Variants in PACS2 observed in about 807,000 individuals in gnomAD.
PACS2 encodes the protein PACS1-like protein.
A neutral mutation model predicts 113.0 loss-of-function variants in PACS2; 36 were observed. That is an observed-to-expected ratio of 0.32 (90% CI 0.24 to 0.42). The LOEUF (loss-of-function observed/expected upper bound fraction) is 0.42, where lower values mean the gene tolerates loss of function less well. Ranked by LOEUF, PACS2 falls within the 10% of genes least tolerant of loss-of-function variation. The probability of loss-of-function intolerance (pLI) is 1.00; values close to 1 mark genes in which losing one functional copy is unlikely to be tolerated. For synonymous variants in PACS2, 589 were observed against 536.1 expected (o/e 1.10, Z -1.36); for missense variants, 1,015 against 1,239.5 (o/e 0.82, Z 2.72).
At chr14:105,380,487 G>A (rs1373901879) in intron 11 of PACS2, among the ~76,000 whole-genome samples, 1 of 147,888 alleles carries the variant, frequency 6.8e-6, no homozygotes, top group Non-Finnish European at 1.5e-5. Flanking sequence ...CAGGGTCAGG[G>A]CAGCTGGACT....
chr14:105,368,365 C>A, intron 6 of PACS2, 94 bp from the exon 7 acceptor site: 1 of 997,680 alleles, frequency 1.0e-6, no homozygotes, highest in Non-Finnish European at 1.6e-6. Flanking sequence ...GCTCTCAGTG[C>A]CGGGCCTCTC....
chr14:105,368,494 G>A lies in PACS2; in HGVS notation c.696G>A (p.Pro232=), dbSNP rs782594693. The A allele has an allele frequency of 2.2e-5, 36 of 1,613,966 alleles. No individual in the cohort carries two copies. Among genetic ancestry groups the A allele is most frequent in the South Asian group, 1.3e-4 (12 of 91,090 alleles). The part of the protein sequence containing the change: ...LDEDDFDVGK[P]KKQRRSIVRT... ...AGGACGACTTTGACGTGGGGAAGCC[G>A]AAGAAGCAGCGGAGATCGATTGTAA... is the stretch of plus-strand genomic sequence containing the variant. Residue 232 remains proline (P), a synonymous_variant, in exon 7 of 25, where the codon CCG becomes CCA. Transcript: ENST00000447393.
At chr14:105,379,695 G>T in intron 9 of PACS2, 44 bp from the exon 10 acceptor site, 1 of 1,506,168 alleles carries the variant, frequency 6.6e-7, no homozygotes, top group Non-Finnish European at 9.2e-7. Flanking sequence ...TGCAAGAAGG[G>T]TCCTGGAAAT....
intron 11 of PACS2, among the ~76,000 whole-genome samples, chr14:105,380,409 C>T (rs587712217): frequency 6.6e-6 from 1 of 151,558 alleles, no homozygotes; most frequent in South Asian, 2.1e-4. Context: ...CTCCCCCCAC[C>T]CGCAGGGTCC....
At chr14:105,363,138 G>C (rs1374704172) in intron 4 of PACS2, among the ~76,000 whole-genome samples, 1 of 152,172 alleles carries the variant, frequency 6.6e-6, no homozygotes, top group Non-Finnish European at 1.5e-5. Context: ...AGTCGACTTT[G>C]CATAATTCTT....
intron 4 of PACS2, among the ~76,000 whole-genome samples, chr14:105,361,507 GAC>G (rs2060676843): frequency 6.6e-6 from 1 of 152,044 alleles, no homozygotes; most frequent in South Asian, 2.1e-4. Flanking sequence ...TGTGGTAGAG[GAC>G]ACCTGTAATT....
chr14:105,304,254 G>C (rs1411756245), intron 1 of PACS2, among the ~76,000 whole-genome samples: 1 of 152,198 alleles, frequency 6.6e-6, no homozygotes, highest in Non-Finnish European at 1.5e-5. Context: ...CACTTTGGGA[G>C]GCTGAGGAGG....
In PACS2 at chr14:105,348,944, G is replaced by A. The variant is rs141393392; in HGVS notation, c.207+364G>A. On this transcript the variant is annotated intron_variant, in intron 2 of 24. Transcript: ENST00000447393. This position sits in a 1 kb window ranked among gnomAD's most constrained non-coding sequence, Gnocchi z 6.4. ...CACTTTTTGTGGGGTGGAGGGCGTC[G>A]GTGGGAGAGGGGAGCAGGGCACTCT... 4.3e-3 allele frequency among the ~76,000 whole-genome samples: 662 copies of A among 152,322 alleles called. 9 individuals carry two copies. The highest frequency in any genetic ancestry group is 0.015 in the African/African-American group (623 of 41,580).
At chr14:105,382,173 A>G (rs2081018030) in intron 13 of PACS2, 115 bp downstream of exon 13, 5 of 1,208,770 alleles carry the variant, frequency 4.1e-6, no homozygotes, top group Non-Finnish European at 5.6e-6. Flanking sequence ...GCCACAGAGC[A>G]TGCCTGGGCT....
intron 19 of PACS2, among the ~76,000 whole-genome samples, chr14:105,388,288 G>A (rs1218827205): frequency 1.3e-5 from 2 of 152,232 alleles, no homozygotes; most frequent in African/African-American, 4.8e-5. Context: ...CTGGCGCTGC[G>A]AAGACAGGGA....
intron 4 of PACS2, among the ~76,000 whole-genome samples, chr14:105,360,873 T>C (rs2060654735): frequency 6.6e-6 from 1 of 152,174 alleles, no homozygotes; most frequent in African/African-American, 2.4e-5. Flanking sequence ...CCAAGTCCTG[T>C]GTTGTCACTC....
rs1208375116 is a variant in PACS2, at chr14:105,348,976, C to T, written c.207+396C>T. Among the ~76,000 whole-genome samples the T allele has an allele frequency of 6.6e-5, 10 of 152,308 alleles. No individual in the cohort carries two copies. Among genetic ancestry groups the T allele is most frequent in the South Asian group, 2.1e-4 (1 of 4,832 alleles). ...GAGGGGAGCAGGGCACTCTGGGAGG[C>T]GAGGGCCTAGCCAGAACTCCCAGCC... On this transcript the variant is annotated intron_variant, in intron 2 of 24. Transcript: ENST00000447393. This position sits in a 1 kb window ranked among gnomAD's most constrained non-coding sequence, Gnocchi z 6.4.
At chr14:105,394,185 G>C in intron 24 of PACS2, 1 of 985,390 alleles carries the variant, frequency 1.0e-6, no homozygotes. Context: ...AGGGGTCTCT[G>C]TTTTAAGGGG....
At chr14:105,319,723 G>A (rs188717466) in intron 1 of PACS2, among the ~76,000 whole-genome samples, 1 of 152,278 alleles carries the variant, frequency 6.6e-6, no homozygotes, top group African/African-American at 2.4e-5. Flanking sequence ...ATGGTTGGTT[G>A]CGTGGATTAC....
At chr14:105,333,979 C>A (rs1050966417) in intron 1 of PACS2, among the ~76,000 whole-genome samples, 5 of 152,254 alleles carry the variant, frequency 3.3e-5, no homozygotes, top group African/African-American at 1.2e-4. Flanking sequence ...AGGGCCCATT[C>A]CTGCTGGGAG....
At chr14:105,318,920 A>G (rs977208130) in intron 1 of PACS2, among the ~76,000 whole-genome samples, 4 of 150,112 alleles carry the variant, frequency 2.7e-5, no homozygotes, top group African/African-American at 7.4e-5. Flanking sequence ...TCAGCCTCCC[A>G]AAGTGTTGGG....
At chr14:105,361,635 C>T (rs2060682439) in intron 4 of PACS2, among the ~76,000 whole-genome samples, 1 of 151,702 alleles carries the variant, frequency 6.6e-6, no homozygotes, top group Non-Finnish European at 1.5e-5. Context: ...GAGACTCCGT[C>T]TCAAAACAAA....
chr14:105,379,905 A>C (rs1305296451), intron 10 of PACS2, 76 bp downstream of exon 10: 7 of 1,469,262 alleles, frequency 4.8e-6, no homozygotes, highest in Non-Finnish European at 6.6e-6. Context: ...ATCTCCCAGC[A>C]TGTCCTGGGC....
At position 105,358,550 on chromosome 14, in the gene PACS2, C is replaced by T. The variant is rs2060544555; in HGVS notation, c.423+3373C>T. Among the ~76,000 whole-genome samples the T allele has an allele frequency of 6.6e-6, 1 of 152,222 alleles. No homozygotes were observed. Among genetic ancestry groups the T allele is most frequent in the Non-Finnish European group, 1.5e-5 (1 of 68,038 alleles). On this transcript the variant is annotated intron_variant, in intron 4 of 24. Coordinates refer to ENST00000447393, the MANE Select transcript of PACS2 (RefSeq NM_001100913.3). This position sits in a 1 kb window ranked among gnomAD's most constrained non-coding sequence, Gnocchi z 4.9. ...CCCTGGGGCTGCAGCCTGGGAGACG[C>T]AGGCATGCCAGCTGGTGGCCATTGT...
Sources: allele counts gnomAD v4.1 joint callset (sites outside exome capture counted in the v4.1 genomes callset), GRCh38; gene constraint gnomAD v4.1.1; non-coding constraint Gnocchi (gnomAD v3.1); transcripts MANE v1.5; gene names NCBI Gene and HGNC (gene_info 2026-07-23, HGNC 2026-07-21).